The following PPP2R3C variants were observed in gnomAD, a reference collection of about 807,000 sequenced individuals.
PPP2R3C encodes the protein serine/threonine-protein phosphatase 2A regulatory subunit B'' subunit gamma.
In PPP2R3C, 47 loss-of-function variants were observed where a neutral mutation model predicts 63.7. That is an observed-to-expected ratio of 0.74 (90% CI 0.58 to 0.94). The LOEUF is 0.94. PPP2R3C is among the 40% of genes least tolerant of loss of function. The probability of loss-of-function intolerance (pLI) is 0.00; values close to 1 mark genes in which losing one functional copy is unlikely to be tolerated. For missense variants in PPP2R3C, 421 were observed against 518.4 expected (o/e 0.81, Z 1.82); for synonymous variants, 180 against 177.4 (o/e 1.01, Z -0.12).
chr14:35,093,918 TCA>T (rs1479076785), intron 10 of PPP2R3C, among the ~76,000 whole-genome samples: 2 of 152,194 alleles, frequency 1.3e-5, no homozygotes, highest in African/African-American at 4.8e-5. Context: ...CCCAAAGTTA[TCA>T]GATTCTTAAC....
At chr14:35,094,473 C>T (rs1308132314) in intron 10 of PPP2R3C, among the ~76,000 whole-genome samples, 2 of 145,812 alleles carry the variant, frequency 1.4e-5, no homozygotes, top group Non-Finnish European at 3.0e-5. Context: ...CTGGCCTCAG[C>T]TTTTTTTTAA....
intron 6 of PPP2R3C, 90 bp downstream of exon 6, chr14:35,107,214 C>T (rs2138680754): frequency 1.0e-6 from 1 of 960,304 alleles, no homozygotes; most frequent in East Asian, 2.4e-5. Context: ...ATTATGAGAA[C>T]AGCCTGTAAT....
At chr14:35,091,298 A>G in intron 10 of PPP2R3C, 91 bp from the exon 11 acceptor site, 3 of 1,248,212 alleles carry the variant, frequency 2.4e-6, no homozygotes, top group Non-Finnish European at 3.2e-6. Context: ...TTTGCAATCA[A>G]AGGTGGCAAA....
intron 4 of PPP2R3C, among the ~76,000 whole-genome samples, chr14:35,109,301 C>A (rs1289208955): frequency 1.3e-5 from 2 of 152,012 alleles, no homozygotes; most frequent in Non-Finnish European, 2.9e-5. Context: ...GTGATCCGCT[C>A]ACCTCAGCCT....
At chr14:35,096,941 G>A (rs756628439) in intron 7 of PPP2R3C, among the ~76,000 whole-genome samples, 177 bp from the exon 8 acceptor site, 5 of 152,160 alleles carry the variant, frequency 3.3e-5, no homozygotes, top group South Asian at 2.1e-4. Context: ...TCGGCTGGGC[G>A]CGGTGGCTCA....
chr14:35,098,346 GTTTTTTT>G (rs376634061), intron 7 of PPP2R3C, among the ~76,000 whole-genome samples: 9,310 of 93,992 alleles, frequency 0.099, 436 homozygotes, highest in Middle Eastern at 0.16. Context: ...CGCCTGGCTA[GTTTTTTT>G]TTTTTTTTTT....
At chr14:35,105,708 G>C (rs1212622983) in intron 6 of PPP2R3C, among the ~76,000 whole-genome samples, 1 of 152,106 alleles carries the variant, frequency 6.6e-6, no homozygotes, top group African/African-American at 2.4e-5. Context: ...CCTTTGCTCT[G>C]CTGGAAGCTG....
chr14:35,104,638 T>A (rs543338473), intron 6 of PPP2R3C, among the ~76,000 whole-genome samples: 1 of 152,360 alleles, frequency 6.6e-6, no homozygotes, highest in South Asian at 2.1e-4. Context: ...TTGGCCTAAT[T>A]ACAGCAGTGC....
At position 35,110,510 on chromosome 14, in the gene PPP2R3C, T is replaced by C. The variant is rs774280181; in HGVS notation, c.291+15A>G. The C allele has an allele frequency of 3.2e-6, 5 of 1,539,164 alleles. No individual in the cohort carries two copies. The East Asian group carries it at 1.1e-4, about 35-fold the overall frequency. The stretch of plus-strand genomic sequence containing the variant: ...AATGGTTAACATCTAAAGCAACTTT[T>C]TGCTTTGTTCTTACCTGTAATTCTT... On this transcript the variant is annotated intron_variant, in intron 3 of 12. Coordinates refer to ENST00000261475, the MANE Select transcript of PPP2R3C (RefSeq NM_017917.4).
At chr14:35,093,044 A>G (rs1442704467) in intron 10 of PPP2R3C, among the ~76,000 whole-genome samples, 1 of 147,900 alleles carries the variant, frequency 6.8e-6, no homozygotes, top group Non-Finnish European at 1.5e-5. Context: ...CTCCGTCTCT[A>G]CTAAAAATAC....
Position 35,099,280 on chromosome 14 carries a change from G to C in PPP2R3C, c.678C>G (p.Phe226Leu), listed in dbSNP as rs768914854. Residue 226 changes from phenylalanine (F) to leucine (L), a missense_variant, in exon 7 of 13, where the codon TTC (phenylalanine) becomes TTG (leucine). By Grantham distance (22) the Phe-to-Leu change is conservative. Around this residue, in one of 3 missense-constraint regions of PPP2R3C, gnomAD observed 231 missense variants for 264.8 expected, o/e 0.87. Coordinates refer to ENST00000261475, the MANE Select transcript of PPP2R3C (RefSeq NM_017917.4). Reference protein sequence around the residue: ...SFYVCTAVRKFFFFLDPLRTG... With the variant: ...SFYVCTAVRKLFFFLDPLRTG... Reference sequence around the variant, plus strand: ...TTCTTAAAGGATCTAAAAAGAAGAAGAACTTCCTAACTGCTGTACAAACAT... The same window carrying C: ...TTCTTAAAGGATCTAAAAAGAAGAACAACTTCCTAACTGCTGTACAAACAT... The C allele has an allele frequency of 1.6e-4, 256 of 1,593,832 alleles. No homozygotes were observed. The highest frequency in any genetic ancestry group is 2.0e-4 in the Non-Finnish European group (230 of 1,174,904).
intron 2 of PPP2R3C, 142 bp downstream of exon 2, chr14:35,116,468 T>C: frequency 1.9e-6 from 1 of 521,228 alleles, no homozygotes; most frequent in Non-Finnish European, 3.1e-6. Context: ...TTGCCCTGGC[T>C]GGTCTCAAAT....
At chr14:35,097,483 T>C in intron 7 of PPP2R3C, among the ~76,000 whole-genome samples, 1 of 119,570 alleles carries the variant, frequency 8.4e-6, no homozygotes, top group South Asian at 2.7e-4. Flanking sequence ...GTTCTTGTTC[T>C]TTTTTTTTTT....
intron 1 of PPP2R3C, 101 bp downstream of exon 1, chr14:35,121,801 C>T (rs1162668946): frequency 1.5e-6 from 2 of 1,321,850 alleles, no homozygotes; most frequent in African/African-American, 1.5e-5. Context: ...TTCACAGAAG[C>T]GGAAAAGGCG....
chr14:35,119,161 C>T (rs746330238), intron 1 of PPP2R3C, among the ~76,000 whole-genome samples: 7 of 152,004 alleles, frequency 4.6e-5, no homozygotes, highest in Non-Finnish European at 5.9e-5. Flanking sequence ...CTTCAGCCTC[C>T]CAAGTAGCTG....
At chr14:35,119,813 T>C (rs2046811153) in intron 1 of PPP2R3C, among the ~76,000 whole-genome samples, 1 of 149,426 alleles carries the variant, frequency 6.7e-6, no homozygotes, top group Non-Finnish European at 1.5e-5. Flanking sequence ...AGTGGTGGAC[T>C]GGAGGGACTC....
chr14:35,122,117 C>T, upstream of PPP2R3C: 1 of 649,194 alleles, frequency 1.5e-6, no homozygotes, highest in South Asian at 1.8e-5. Flanking sequence ...GAGGCAAAAA[C>T]AATTACTGTC....
chr14:35,120,202 TGAAA>T (rs2046825883), intron 1 of PPP2R3C, among the ~76,000 whole-genome samples: 1 of 151,262 alleles, frequency 6.6e-6, no homozygotes, highest in Non-Finnish European at 1.5e-5. Context: ...GTTGTGGGGC[TGAAA>T]GAAATGTTAA....
chr14:35,086,941 C>T (rs2045620989), intron 12 of PPP2R3C: 1 of 151,960 alleles, frequency 6.6e-6, no homozygotes, highest in African/African-American at 2.4e-5. Context: ...GGGATTACAG[C>T]CGTGTACCAC....
Sources: allele counts gnomAD v4.1 joint callset (sites outside exome capture counted in the v4.1 genomes callset), GRCh38; gene constraint gnomAD v4.1.1; regional missense constraint gnomAD v4.1.1; transcripts MANE v1.5; gene names NCBI Gene and HGNC (gene_info 2026-07-23, HGNC 2026-07-21).